Variants in ITGA1 observed in about 807,000 individuals in gnomAD.
ITGA1 encodes integrin subunit alpha 1.
A neutral mutation model predicts 145.9 loss-of-function variants in ITGA1; 85 were observed. That is an observed-to-expected ratio of 0.58 (90% CI 0.49 to 0.70). The LOEUF (loss-of-function observed/expected upper bound fraction) is 0.70. Ranked by LOEUF, ITGA1 falls within the 30% of genes least tolerant of loss-of-function variation. The pLI, the probability that ITGA1 is intolerant of heterozygous loss-of-function variation, is 0.00. For synonymous variants in ITGA1, 520 were observed against 495.3 expected (o/e 1.05, Z -0.66); for missense variants, 1,351 against 1,418.7 (o/e 0.95, Z 0.77).
At chr5:52,877,738 T>C (rs531171656) in intron 6 of ITGA1, among the ~76,000 whole-genome samples, 14 of 152,170 alleles carry the variant, frequency 9.2e-5, no homozygotes, top group Non-Finnish European at 1.5e-4. Flanking sequence ...CGCTGCAGCT[T>C]CAAAATAAAG....
At chr5:52,800,249 C>T in intron 1 of ITGA1, 1 of 747,640 alleles carries the variant, frequency 1.3e-6, no homozygotes, top group South Asian at 1.8e-5. Context: ...TGAGTCGAAG[C>T]AAGCGTGTTT....
Position 52,797,023 on chromosome 5 carries a change from A to G in ITGA1, c.61+8609A>G, listed in dbSNP as rs568252297. 2.6e-5 allele frequency among the ~76,000 whole-genome samples: 4 copies of G among 152,218 alleles called. No homozygotes were observed. The South Asian group carries it at 8.3e-4, about 32-fold the overall frequency. On this transcript the variant is annotated intron_variant, in intron 1 of 28. Transcript: ENST00000282588. ...GGGAAAAGTGGGAAGTAAATTTGTA[A>G]GGCCAGTGCAAATTGGGATTGTAGA...
intron 26 of ITGA1, among the ~76,000 whole-genome samples, chr5:52,942,960 G>A (rs572435941): frequency 6.6e-6 from 1 of 152,232 alleles, no homozygotes; most frequent in East Asian, 1.9e-4. Context: ...ATGAATTCTA[G>A]GAGTTTTTTG....
rs994188069 is a variant in ITGA1 at position 52,919,945 on chromosome 5, G to T, written c.2156-387G>T. Among the ~76,000 whole-genome samples, 3 of 151,854 alleles carry T rather than the reference G, an allele frequency of 2.0e-5. No homozygotes were observed. In the South Asian group the frequency reaches 6.2e-4, roughly 31 times the overall value. ...ACTAAAGTATATTTTTGTCCCTATT[G>T]AAATATAACATAATCAATATTCTAA... is the stretch of plus-strand genomic sequence containing the variant. On this transcript the variant is annotated intron_variant, in intron 16 of 28. Transcript: ENST00000282588.
chr5:52,901,124 T>C (rs539110685), intron 11 of ITGA1, among the ~76,000 whole-genome samples: 1 of 152,242 alleles, frequency 6.6e-6, no homozygotes, highest in South Asian at 2.1e-4. Flanking sequence ...ATTCTAAAAA[T>C]CAGAGAACCT....
Position 52,929,692 on chromosome 5 carries a change from G to C in ITGA1, c.2762G>C (p.Ser921Thr), listed in dbSNP as rs746272135. The change falls in exon 21 of 29, where the codon AGT (serine) becomes ACT (threonine). Residue 921 changes from serine (S) to threonine (T), a missense_variant. Physicochemically the swap from Ser to Thr is moderately conservative, Grantham distance 58. Coordinates refer to ENST00000282588, the MANE Select transcript of ITGA1 (RefSeq NM_181501.2). ...ATGGAAAATGTGACCATTTATTTAA[G>C]TGCAACAAGGTTGGTTTACATGTGT... ...YLMENVTIYL[S>T]ATSDSEEPPE... 1 of 1,579,766 alleles carries C rather than the reference G, an allele frequency of 6.3e-7. No individual in the cohort carries two copies. Among genetic ancestry groups the C allele is most frequent in the Non-Finnish European group, 8.7e-7 (1 of 1,152,372 alleles).
intron 1 of ITGA1, among the ~76,000 whole-genome samples, chr5:52,847,225 T>C (rs1458887023): frequency 1.3e-5 from 2 of 152,280 alleles, no homozygotes; most frequent in African/African-American, 2.4e-5. Context: ...CAAATAGATA[T>C]ATGGGTGTAT....
chr5:52,855,449 CA>C (rs1431438167), intron 2 of ITGA1, among the ~76,000 whole-genome samples: 2 of 152,060 alleles, frequency 1.3e-5, no homozygotes, highest in African/African-American at 4.8e-5. Context: ...GTCGTTAATT[CA>C]TTCATTCAAT....
intron 27 of ITGA1, among the ~76,000 whole-genome samples, chr5:52,945,574 C>T (rs952021163): frequency 6.6e-6 from 1 of 152,136 alleles, no homozygotes; most frequent in Non-Finnish European, 1.5e-5. Flanking sequence ...GTTTTTAACT[C>T]TTGTCCTTTT....
At position 52,929,991 on chromosome 5, in the gene ITGA1, A is replaced by C. The variant is rs1164007687; in HGVS notation, c.2771+290A>C. Among the ~76,000 whole-genome samples the C allele has an allele frequency of 2.6e-5, 4 of 152,206 alleles. No homozygotes were observed. The South Asian group carries it at 6.2e-4, about 24-fold the overall frequency. On this transcript the variant is annotated intron_variant, in intron 21 of 28. Coordinates refer to ENST00000282588, the MANE Select transcript of ITGA1 (RefSeq NM_181501.2). ...CATTTATATCTGCCAAATTGCATTT[A>C]AATTCATAAAAAATTTACTGATAAT...
chr5:52,793,294 A>G (rs1018341423), intron 1 of ITGA1, among the ~76,000 whole-genome samples: 4 of 152,092 alleles, frequency 2.6e-5, no homozygotes, highest in Non-Finnish European at 5.9e-5. Context: ...AGAATTGACT[A>G]TTGACAAACT....
intron 19 of ITGA1, among the ~76,000 whole-genome samples, chr5:52,925,876 C>T (rs1750798071): frequency 6.6e-6 from 1 of 152,082 alleles, no homozygotes; most frequent in African/African-American, 2.4e-5. Context: ...ATCAAGATAC[C>T]ATATCTCCCT....
intron 1 of ITGA1, among the ~76,000 whole-genome samples, chr5:52,849,154 C>T (rs1749386596): frequency 6.6e-6 from 1 of 152,338 alleles, no homozygotes; most frequent in African/African-American, 2.4e-5. Flanking sequence ...AATCGCCACA[C>T]TGTCTTCCAC....
chr5:52,835,338 T>A (rs561199304), intron 1 of ITGA1, among the ~76,000 whole-genome samples: 1 of 152,256 alleles, frequency 6.6e-6, no homozygotes, highest in Non-Finnish European at 1.5e-5. Context: ...TATAAAGCGA[T>A]ACATCCTATG....
chr5:52,880,931 A>T (rs1157312489), intron 6 of ITGA1, among the ~76,000 whole-genome samples: 1 of 152,194 alleles, frequency 6.6e-6, no homozygotes, highest in Non-Finnish European at 1.5e-5. Flanking sequence ...GATAGCCATT[A>T]CTGGGGCCAG....
rs201701560 is a variant in ITGA1 at position 52,865,058 on chromosome 5, G to A, written c.472G>A (p.Val158Met). The change falls in exon 5 of 29, where the codon GTG (valine) becomes ATG (methionine). Residue 158 changes from valine to methionine, a missense_variant. Physicochemically the swap from Val to Met is conservative, Grantham distance 21. Coordinates refer to ENST00000282588, the MANE Select transcript of ITGA1 (RefSeq NM_181501.2). ...TGACGTCAGCCCCACATTTCAAGTC[G>A]TGAATTCCATTGCCCCTGTACAAGG... ...CSDVSPTFQVVNSIAPVQECS... is the reference protein window; with the variant it reads ...CSDVSPTFQVMNSIAPVQECS... 3.8e-4 allele frequency: 609 copies of A among 1,612,886 alleles called. 5 individuals are homozygous for A. Among genetic ancestry groups the A allele is most frequent in the East Asian group, 1.6e-4 (7 of 44,854 alleles).
intron 9 of ITGA1, among the ~76,000 whole-genome samples, chr5:52,894,801 C>A (rs1369847050): frequency 1.3e-5 from 2 of 151,710 alleles, no homozygotes; most frequent in Non-Finnish European, 2.9e-5. Context: ...AACAGAAAGA[C>A]AAAATGGGAA....
At position 52,911,572 on chromosome 5, in the gene ITGA1, T is replaced by G. The variant is rs1224250237; in HGVS notation, c.1857+1153T>G. Among the ~76,000 whole-genome samples, 47 of 55,292 alleles carry G rather than the reference T, an allele frequency of 8.5e-4. 3 individuals carry two copies. Among genetic ancestry groups the G allele is most frequent in the African/African-American group, 2.6e-3 (45 of 17,612 alleles). 36.3% of individuals were successfully genotyped at this position (55,292 alleles called of 152,430 possible). A position where few individuals can be genotyped will look rare whatever the true frequency, so the allele number is the denominator to read the frequency against. On this transcript the variant is annotated intron_variant, in intron 14 of 28. Coordinates refer to ENST00000282588, the MANE Select transcript of ITGA1 (RefSeq NM_181501.2). Reference sequence around the variant, plus strand: ...CTATATATAGTGTATCTACTATATATACTATATATATAGTGTATCTACTAT... The same window carrying G: ...CTATATATAGTGTATCTACTATATAGACTATATATATAGTGTATCTACTAT...
intron 27 of ITGA1, 114 bp downstream of exon 27, chr5:52,945,149 G>A (rs1215932754): frequency 4.2e-6 from 3 of 720,948 alleles, no homozygotes; most frequent in Non-Finnish European, 7.2e-6. Flanking sequence ...CTCTCGGTAA[G>A]TGACAGACAC....
Sources: allele counts gnomAD v4.1 joint callset (sites outside exome capture counted in the v4.1 genomes callset), GRCh38; gene constraint gnomAD v4.1.1; transcripts MANE v1.5; gene names NCBI Gene and HGNC (gene_info 2026-07-23, HGNC 2026-07-21).